Variants in KIF5B observed in about 807,000 individuals in gnomAD.
KIF5B encodes kinesin-1 heavy chain.
KIF5B carries 49 observed loss-of-function variants against 132.8 expected under a neutral mutation model. The observed-to-expected ratio is 0.37, with a 90% CI of 0.29 to 0.47. KIF5B has a LOEUF of 0.47. Among genes scored for constraint, KIF5B ranks in the 20% least tolerant of loss-of-function variants. The pLI is 1.00. For missense variants in KIF5B, 780 were observed against 1,144.0 expected (o/e 0.68, Z 4.59); for synonymous variants, 355 against 369.4 (o/e 0.96, Z 0.45).
intron 14 of KIF5B, among the ~76,000 whole-genome samples, chr10:32,029,019 G>T (rs1841365880): frequency 1.3e-5 from 2 of 152,178 alleles, no homozygotes; most frequent in Non-Finnish European, 2.9e-5. Context: ...TCACTGGAAA[G>T]AATCCATGTG....
At chr10:32,052,198 G>A (rs887953935) in intron 1 of KIF5B, among the ~76,000 whole-genome samples, 1 of 152,190 alleles carries the variant, frequency 6.6e-6, no homozygotes, top group Non-Finnish European at 1.5e-5. Context: ...ATTCTGAATA[G>A]CGGATCATTT....
At chr10:32,043,026 C>A (rs1474737951) in intron 2 of KIF5B, among the ~76,000 whole-genome samples, 1 of 152,114 alleles carries the variant, frequency 6.6e-6, no homozygotes, top group Non-Finnish European at 1.5e-5. Context: ...CTTGCTCTGT[C>A]ACCCAGGCTG....
At position 32,015,669 on chromosome 10, in the gene KIF5B, A is replaced by G. The variant is rs1554799961; in HGVS notation, c.2762-10T>C. ...GGACGAATAGGTTTAGCTAATATGA[A>G]AAATAAAGACAGACTTTAGAATAAA... On this transcript the variant is annotated splice_polypyrimidine_tract_variant and intron_variant, in intron 24 of 25. Coordinates refer to ENST00000302418, the MANE Select transcript of KIF5B (RefSeq NM_004521.3). 1.2e-6 allele frequency: 2 copies of G among 1,601,406 alleles called. No homozygotes were observed. Among genetic ancestry groups the G allele is most frequent in the South Asian group, 2.2e-5 (2 of 89,228 alleles).
chr10:32,010,499 T>A lies in KIF5B; in HGVS notation c.*1038A>T, dbSNP rs1841062898. ...TTTCAGACCAAAATTGACCTATATA[T>A]ATTTTTAATTCATCATATATCTGTC... On this transcript the variant is annotated 3_prime_UTR_variant, in exon 26 of 26. Transcript: ENST00000302418. The A allele has an allele frequency of 6.6e-6, 1 of 152,186 alleles. No individual in the cohort carries two copies. The highest frequency in any genetic ancestry group is 1.5e-5 in the Non-Finnish European group (1 of 67,998). 9.4% of individuals were successfully genotyped at this position (152,186 alleles called of 1,614,324 possible).
At chr10:32,013,827 G>C (rs950263790) in intron 25 of KIF5B, among the ~76,000 whole-genome samples, 2 of 152,120 alleles carry the variant, frequency 1.3e-5, no homozygotes, top group African/African-American at 4.8e-5. Context: ...AAAGTAGTCA[G>C]GATTCCAACT....
At chr10:32,055,782 C>G (rs1490807840) in intron 1 of KIF5B, 66 bp downstream of exon 1, 2 of 1,586,542 alleles carry the variant, frequency 1.3e-6, no homozygotes. Flanking sequence ...CCTGCCACTT[C>G]CCTAAACTCC....
Position 32,037,537 on chromosome 10 carries a change from C to T in KIF5B, c.569G>A (p.Arg190Lys). 1 of 1,612,098 alleles carries T rather than the reference C, an allele frequency of 6.2e-7. No individual in the cohort carries two copies. Among genetic ancestry groups the T allele is most frequent in the Middle Eastern group, 1.7e-4 (1 of 6,060 alleles). Residue 190 changes from arginine to lysine, a missense_variant, in exon 7 of 26, where the codon AGA becomes AAA. By Grantham distance (26) the Arg-to-Lys change is conservative. This residue lies in a region of KIF5B where 76 missense variants were observed against 146.4 expected (regional missense o/e 0.52). Transcript: ENST00000302418. ...MDTIDEGKSN[R>K]HVAVTNMNEH... ...CTACTTACTTGTAACTGCTACATGTCTGTTGGATTTTCCTTCATCTATGGT... is the reference window on the plus strand; with the variant it reads ...CTACTTACTTGTAACTGCTACATGTTTGTTGGATTTTCCTTCATCTATGGT...
At chr10:32,054,226 T>A (rs1393125398) in intron 1 of KIF5B, among the ~76,000 whole-genome samples, 2 of 152,218 alleles carry the variant, frequency 1.3e-5, no homozygotes, top group Non-Finnish European at 2.9e-5. Context: ...TAGCCTCAAG[T>A]TTGACAACTA....
In KIF5B at chr10:32,040,461, T is replaced by G; in HGVS notation, c.215-4A>C. On this transcript the variant is annotated splice_polypyrimidine_tract_variant and splice_region_variant and intron_variant, in intron 2 of 25. Transcript: ENST00000302418. ...CCATTATATCCTTCAAGTACATCTA[T>G]GAGAAAAGATTTTATAGTTCAGGGG... is the stretch of plus-strand genomic sequence containing the variant. 1 of 1,540,626 alleles carries G rather than the reference T, an allele frequency of 6.5e-7. No homozygotes were observed. Among genetic ancestry groups the G allele is most frequent in the Middle Eastern group, 1.7e-4 (1 of 5,922 alleles).
chr10:32,038,368 C>A (rs1841488710), intron 5 of KIF5B, 150 bp from the exon 6 acceptor site: 1 of 620,556 alleles, frequency 1.6e-6, no homozygotes, highest in Non-Finnish European at 2.9e-6. Context: ...ACCTTACAGA[C>A]ACAGCAGGAG....
At chr10:32,019,258 A>C (rs1483230992) in intron 20 of KIF5B, among the ~76,000 whole-genome samples, 2 of 152,252 alleles carry the variant, frequency 1.3e-5, no homozygotes, top group Admixed American at 6.5e-5. Flanking sequence ...GCAAGTTAGC[A>C]GAATCTTCAT....
intron 11 of KIF5B, among the ~76,000 whole-genome samples, chr10:32,034,474 TC>T (rs1469651213): frequency 1.3e-5 from 2 of 152,202 alleles, no homozygotes; most frequent in Non-Finnish European, 2.9e-5. Flanking sequence ...AAGTTCAGAT[TC>T]TTCTGCTTAA....
At chr10:32,042,646 G>C (rs1240337467) in intron 2 of KIF5B, among the ~76,000 whole-genome samples, 4 of 152,206 alleles carry the variant, frequency 2.6e-5, no homozygotes, top group African/African-American at 9.6e-5. Context: ...TCAATGTACA[G>C]CATCTTTCTA....
rs1456971453 is a variant in KIF5B, at chr10:32,012,472, A to G, written c.*21-956T>C. ...GTGCAAATTATTTAACATTTAAACA[A>G]TTTATCACTTAAGTGAATCATATAC... On this transcript the variant is annotated intron_variant, in intron 25 of 25. Transcript: ENST00000302418. 7.9e-5 allele frequency among the ~76,000 whole-genome samples: 12 copies of G among 152,328 alleles called. No individual in the cohort carries two copies. The South Asian group carries it at 8.3e-4, about 11-fold the overall frequency.
At position 32,031,139 on chromosome 10, in the gene KIF5B, C is replaced by T. The variant is rs750079551; in HGVS notation, c.1515G>A (p.Lys505=). Residue 505 remains lysine (K), a synonymous_variant, in exon 14 of 26, where the codon AAG becomes AAA. Transcript: ENST00000302418. ...TAGTTTTGTCTTCAACTTCCTGAGA[C>T]TTCTGATCATAATTGACAGCAAGTT... ...LEELAVNYDQ[K]SQEVEDKTKE... 10 of 1,613,970 alleles carry T rather than the reference C, an allele frequency of 6.2e-6. No individual in the cohort carries two copies. Among genetic ancestry groups the T allele is most frequent in the Non-Finnish European group, 8.5e-6 (10 of 1,179,946 alleles).
intron 14 of KIF5B, among the ~76,000 whole-genome samples, chr10:32,030,446 C>T (rs968099742): frequency 3.3e-5 from 5 of 150,432 alleles, no homozygotes; most frequent in Non-Finnish European, 5.9e-5. Context: ...ACCCAGGAGG[C>T]AGAGGATGCA....
At chr10:32,052,490 A>T (rs1263280183) in intron 1 of KIF5B, among the ~76,000 whole-genome samples, 1 of 152,270 alleles carries the variant, frequency 6.6e-6, no homozygotes, top group Non-Finnish European at 1.5e-5. Flanking sequence ...ACGGTGTACC[A>T]TATAAGGAAT....
chr10:32,041,478 G>C (rs959365998), intron 2 of KIF5B, among the ~76,000 whole-genome samples: 8 of 152,046 alleles, frequency 5.3e-5, no homozygotes, highest in Non-Finnish European at 1.0e-4. Context: ...AAAATCCTCT[G>C]CCAATTTACA....
At chr10:32,035,824 C>A in intron 9 of KIF5B, 66 bp downstream of exon 9, 1 of 1,365,118 alleles carries the variant, frequency 7.3e-7, no homozygotes, top group East Asian at 2.3e-5. Flanking sequence ...CCCAGGCACA[C>A]ATATACACCT....
Sources: gnomAD v4.1 joint callset for allele counts (sites outside exome capture counted in the v4.1 genomes callset) on GRCh38, gnomAD v4.1.1 for gene constraint, gnomAD v4.1.1 regional missense constraint, MANE v1.5 for transcripts, NCBI Gene and HGNC (gene_info 2026-07-23, HGNC 2026-07-21) for gene names.